The following ZSCAN26 variants were observed in gnomAD, a reference collection of about 807,000 sequenced individuals.
ZSCAN26 encodes the protein zinc finger and SCAN domain containing 26, also known as zinc finger and SCAN domain-containing protein 26.
Under a neutral mutation model 23.0 loss-of-function variants are expected in ZSCAN26, and 26 were observed. The ratio of observed to expected loss-of-function variants is 1.13; its 90% CI spans 0.83 to 1.57. ZSCAN26 has a LOEUF of 1.57. Among genes scored for constraint, ZSCAN26 ranks in the 40% most tolerant of loss-of-function variants. The pLI is 0.00. For synonymous variants in ZSCAN26, 180 were observed against 202.5 expected (o/e 0.89, Z 0.94); for missense variants, 528 against 568.5 (o/e 0.93, Z 0.72).
rs1242119962 is a variant in ZSCAN26 at position 28,277,710 on chromosome 6, A to G, written c.*614A>G. On this transcript the variant is annotated 3_prime_UTR_variant, in exon 4 of 4. Transcript: ENST00000421553. ...CTTGCCTTCAGGGTTAGCTTCATGTAATTTTACCATTTCCCATCCCCATTC... is the reference window on the plus strand; with the variant it reads ...CTTGCCTTCAGGGTTAGCTTCATGTGATTTTACCATTTCCCATCCCCATTC... 6.6e-6 allele frequency: 1 copy of G among 152,214 alleles called. No individual in the cohort carries two copies. The highest frequency in any genetic ancestry group is 2.4e-5 in the African/African-American group (1 of 41,448). 9.4% of individuals were successfully genotyped at this position (152,214 alleles called of 1,614,324 possible). A position where few individuals can be genotyped will look rare whatever the true frequency, so the allele number is the denominator to read the frequency against.
intron 1 of ZSCAN26, among the ~76,000 whole-genome samples, chr6:28,268,676 T>C (rs909085712): frequency 6.6e-6 from 1 of 152,120 alleles, no homozygotes; most frequent in Non-Finnish European, 1.5e-5. Flanking sequence ...ACATGAGATA[T>C]GAAAGGAGGA....
rs1761950214 is a variant in ZSCAN26, at chr6:28,276,607, C to A, written c.951C>A (p.Gly317=). ...GEKPYQCNEC[G]KVFSQNAGLL... ...AGCCTTATCAGTGCAATGAGTGTGG[C>A]AAAGTCTTTAGCCAGAATGCAGGCC... Residue 317 remains glycine, a synonymous_variant, in exon 4 of 4, where the codon GGC becomes GGA. Transcript: ENST00000421553. 6.2e-7 allele frequency: 1 copy of A among 1,612,268 alleles called. No homozygotes were observed.
chr6:28,276,542 T>C lies in ZSCAN26; in HGVS notation c.886T>C (p.Ser296Pro). 6.2e-7 allele frequency: 1 copy of C among 1,613,666 alleles called. No individual in the cohort carries two copies. The highest frequency in any genetic ancestry group is 8.5e-7 in the Non-Finnish European group (1 of 1,179,752). Residue 296 changes from serine (S) to proline (P), a missense_variant, in exon 4 of 4, where the codon TCA (serine) becomes CCA (proline). Ser to Pro is a moderately conservative substitution (Grantham distance 74). Transcript: ENST00000421553. ...GTGTGGGAAAGCCTTTCAGAGGAGT[T>C]CACACCTCGTCAGACATCAGAAAAT... is the stretch of plus-strand genomic sequence containing the variant. ...HECGKAFQRS[S>P]HLVRHQKIHL...
Position 28,271,857 on chromosome 6 carries a change from T to G in ZSCAN26, c.-63T>G. On this transcript the variant is annotated 5_prime_UTR_variant, in exon 2 of 4. Coordinates refer to ENST00000421553, the MANE Select transcript of ZSCAN26 (RefSeq NM_001023560.4). ...ACTCTTGTTACTATAATTTTAGGAGTGTCTCTGAAGATACAGTCCAAAGAA... is the reference window on the plus strand; with the variant it reads ...ACTCTTGTTACTATAATTTTAGGAGGGTCTCTGAAGATACAGTCCAAAGAA... 1 of 1,377,216 alleles carries G rather than the reference T, an allele frequency of 7.3e-7. No individual in the cohort carries two copies. 85.3% of individuals were successfully genotyped at this position (1,377,216 alleles called of 1,614,324 possible).
rs985190998 is a variant in ZSCAN26 at position 28,278,091 on chromosome 6, C to A, written c.*995C>A. ...AATATTAAAATTAGGGGCGTCCACT[C>A]CAAAACATATCACCAGAGTGACAAC... On this transcript the variant is annotated 3_prime_UTR_variant, in exon 4 of 4. Transcript: ENST00000421553. 1 of 152,186 alleles carries A rather than the reference C, an allele frequency of 6.6e-6. No individual in the cohort carries two copies. The highest frequency in any genetic ancestry group is 2.1e-4 in the South Asian group (1 of 4,834). The allele number at this position is 152,186 out of a possible 1,614,324, so 9.4% of individuals were successfully genotyped here. A position where few individuals can be genotyped will look rare whatever the true frequency, so the allele number is the denominator to read the frequency against.
rs1269954459 is a variant in ZSCAN26 at position 28,272,118 on chromosome 6, G to A, written c.199G>A (p.Glu67Lys). 6.2e-7 allele frequency: 1 copy of A among 1,603,008 alleles called. No homozygotes were observed. Among genetic ancestry groups the A allele is most frequent in the African/African-American group, 1.3e-5 (1 of 74,774 alleles). Residue 67 changes from glutamate (E) to lysine (K), a missense_variant, in exon 2 of 4, where the codon GAA becomes AAA. Coordinates refer to ENST00000421553, the MANE Select transcript of ZSCAN26 (RefSeq NM_001023560.4). ...LRYEETTGPR[E>K]ALSRLRELCQ... ...TTATGAAGAGACCACAGGACCTCGA[G>A]AAGCACTAAGTCGGCTCCGGGAGCT...
At position 28,277,882 on chromosome 6, in the gene ZSCAN26, C is replaced by T. The variant is rs1012979735; in HGVS notation, c.*786C>T. The T allele has an allele frequency of 2.0e-5, 3 of 152,196 alleles. No individual in the cohort carries two copies. Among genetic ancestry groups the T allele is most frequent in the Non-Finnish European group, 4.4e-5 (3 of 68,040 alleles). The allele number at this position is 152,196 out of a possible 1,614,324, so 9.4% of individuals were successfully genotyped here. ...GATAACTCCAGTGCCAGTATAGTGG[C>T]TGCTGCATAGACACTATTCAGTAAA... is the stretch of plus-strand genomic sequence containing the variant. On this transcript the variant is annotated 3_prime_UTR_variant, in exon 4 of 4. Transcript: ENST00000421553.
Position 28,276,749 on chromosome 6 carries a change from G to A in ZSCAN26, c.1093G>A (p.Glu365Lys). ...ACATCAGAGAATTCACAGTCAGGAG[G>A]AGCCCTGTGAGTGCAAGGAGTGTGG... ...NRHQRIHSQE[E>K]PCECKECGKT... Residue 365 changes from glutamate (E) to lysine (K), a missense_variant, in exon 4 of 4, where the codon GAG becomes AAG. By Grantham distance (56) the Glu-to-Lys change is moderately conservative. Transcript: ENST00000421553. The A allele has an allele frequency of 6.2e-7, 1 of 1,613,814 alleles. No homozygotes were observed. Among genetic ancestry groups the A allele is most frequent in the Non-Finnish European group, 8.5e-7 (1 of 1,179,836 alleles).
chr6:28,270,032 C>T (rs1266945085), intron 1 of ZSCAN26, among the ~76,000 whole-genome samples: 1 of 152,120 alleles, frequency 6.6e-6, no homozygotes, highest in Non-Finnish European at 1.5e-5. Context: ...CAACCTCCAC[C>T]TCCTGGGTTC....
intron 1 of ZSCAN26, among the ~76,000 whole-genome samples, chr6:28,268,720 G>A (rs1399185299): frequency 6.6e-6 from 1 of 152,144 alleles, no homozygotes. Flanking sequence ...AAATAGCTGG[G>A]TAGATGGAGC....
Position 28,276,636 on chromosome 6 carries a change from T to A in ZSCAN26, c.980T>A (p.Leu327Ter). ...GKVFSQNAGL[L>*]EHLRIHTGEK... ...GTCTTTAGCCAGAATGCAGGCCTTT[T>A]GGAACATCTCAGAATTCATACTGGA... is the stretch of plus-strand genomic sequence containing the variant. Residue 327 changes from leucine (L) to a stop codon, truncating the protein, a stop_gained, in exon 4 of 4, where the codon TTG (leucine) becomes TAG (stop). Coordinates refer to ENST00000421553, the MANE Select transcript of ZSCAN26 (RefSeq NM_001023560.4). LOFTEE classifies it low-confidence loss of function (END_TRUNC). The A allele has an allele frequency of 6.2e-7, 1 of 1,611,956 alleles. No homozygotes were observed. The highest frequency in any genetic ancestry group is 1.3e-5 in the African/African-American group (1 of 75,026).
intron 3 of ZSCAN26, among the ~76,000 whole-genome samples, chr6:28,275,885 T>TAC (rs1295918567): frequency 1.3e-5 from 2 of 152,202 alleles, no homozygotes; most frequent in African/African-American, 4.8e-5. Context: ...TTCAAGACTG[T>TAC]ACAGCCATGC....
At chr6:28,273,750 G>T (rs1279224069) in intron 3 of ZSCAN26, among the ~76,000 whole-genome samples, 1 of 145,308 alleles carries the variant, frequency 6.9e-6, no homozygotes, top group African/African-American at 2.6e-5. Flanking sequence ...ACAGGGTCTT[G>T]CTCTGTCTTC....
intron 3 of ZSCAN26, among the ~76,000 whole-genome samples, chr6:28,273,146 G>A (rs1212322071): frequency 6.6e-6 from 1 of 152,174 alleles, no homozygotes; most frequent in African/African-American, 2.4e-5. Flanking sequence ...TGCCAGGCCA[G>A]CTACTTGGGA....
At chr6:28,271,814 A>G in intron 1 of ZSCAN26, 40 bp from the exon 2 acceptor site, 1 of 982,628 alleles carries the variant, frequency 1.0e-6, no homozygotes, top group East Asian at 2.6e-5. Context: ...TGTTAGCAGT[A>G]CTATTACTGT....
rs553908256 is a variant in ZSCAN26 at position 28,276,275 on chromosome 6, T to C, written c.619T>C (p.Ser207Pro). ...CGRVESSGKI[S>P]EPMEAHNEGS... is the part of the protein sequence containing the mutation. ...AAGAGTAGAGTCATCTGGGAAAATA[T>C]CTGAACCCATGGAGGCTCATAATGA... The change falls in exon 4 of 4, where the codon TCT becomes CCT. Residue 207 changes from serine (S) to proline (P), a missense_variant. Ser to Pro is a moderately conservative substitution (Grantham distance 74, BLOSUM62 -1). Coordinates refer to ENST00000421553, the MANE Select transcript of ZSCAN26 (RefSeq NM_001023560.4). The C allele has an allele frequency of 9.2e-5, 148 of 1,613,988 alleles. 3 individuals are homozygous for C. The South Asian group carries it at 1.5e-3, about 17-fold the overall frequency.
chr6:28,276,163 A>G, intron 3 of ZSCAN26, 32 bp from the exon 4 acceptor site: 5 of 1,534,524 alleles, frequency 3.3e-6, no homozygotes, highest in Non-Finnish European at 4.4e-6. Context: ...ATCAAAAGAC[A>G]AGTAATTGGT....
chr6:28,276,294 A>G lies in ZSCAN26; in HGVS notation c.638A>G (p.His213Arg). 1 of 1,614,040 alleles carries G rather than the reference A, an allele frequency of 6.2e-7. No individual in the cohort carries two copies. The highest frequency in any genetic ancestry group is 8.5e-7 in the Non-Finnish European group (1 of 1,179,876). The change falls in exon 4 of 4, where the codon CAT (histidine) becomes CGT (arginine). Residue 213 changes from histidine (H) to arginine (R), a missense_variant. Coordinates refer to ENST00000421553, the MANE Select transcript of ZSCAN26 (RefSeq NM_001023560.4). ...SGKISEPMEA[H>R]NEGSNLERHQ... ...AAAATATCTGAACCCATGGAGGCTC[A>G]TAATGAGGGCTCTAACTTGGAAAGG...
At chr6:28,272,382 G>A in intron 2 of ZSCAN26, 43 bp downstream of exon 2, 1 of 1,467,148 alleles carries the variant, frequency 6.8e-7, no homozygotes, top group South Asian at 1.4e-5. Flanking sequence ...CAGGAATTGA[G>A]ATCTCTGGCC....
Sources: allele counts gnomAD v4.1 joint callset (sites outside exome capture counted in the v4.1 genomes callset), GRCh38; gene constraint gnomAD v4.1.1; transcripts MANE v1.5; gene names NCBI Gene and HGNC (gene_info 2026-07-23, HGNC 2026-07-21).